Variants in LUC7L2 observed in about 807,000 individuals in gnomAD.
The protein encoded by LUC7L2 is LUC7 like 2, pre-mRNA splicing factor.
Under a neutral mutation model 52.8 loss-of-function variants are expected in LUC7L2, and 25 were observed. That is an observed-to-expected ratio of 0.47 (90% CI 0.34 to 0.66). The LOEUF is 0.66. LUC7L2 is among the 30% of genes least tolerant of loss of function. The pLI is 0.01. For missense variants in LUC7L2, 328 were observed against 497.8 expected, an observed-to-expected ratio of 0.66 and a Z score of 3.25; for synonymous variants, 144 against 160.9, an observed-to-expected ratio of 0.89 and a Z score of 0.80.
chr7:139,341,265 G>A (rs1798939248), intron 1 of LUC7L2: 2 of 1,466,126 alleles, frequency 1.4e-6, no homozygotes, highest in South Asian at 1.4e-5. Context: ...TCCACTGCTC[G>A]TCAGTCGATA....
chr7:139,362,183 G>A (rs1052481551), intron 1 of LUC7L2, among the ~76,000 whole-genome samples: 1 of 151,840 alleles, frequency 6.6e-6, no homozygotes, highest in Non-Finnish European at 1.5e-5. Context: ...TTGTTTAGCT[G>A]AAATGACTGG....
chr7:139,418,392 A>G (rs1461500377), intron 9 of LUC7L2, among the ~76,000 whole-genome samples: 1 of 152,262 alleles, frequency 6.6e-6, no homozygotes, highest in African/African-American at 2.4e-5. Flanking sequence ...CAAACTGTCA[A>G]AACTTCTCAG....
intron 1 of LUC7L2, among the ~76,000 whole-genome samples, chr7:139,364,725 G>C (rs1325784593): frequency 6.6e-6 from 1 of 152,158 alleles, no homozygotes; most frequent in Non-Finnish European, 1.5e-5. Context: ...TGACATTTCT[G>C]CCTTTCTGCA....
At chr7:139,390,597 C>T (rs1211050654) in intron 2 of LUC7L2, among the ~76,000 whole-genome samples, 1 of 150,834 alleles carries the variant, frequency 6.6e-6, no homozygotes, top group African/African-American at 2.5e-5. Flanking sequence ...GCTTTGTCGC[C>T]CAGGCTGGAG....
chr7:139,392,392 G>C (rs1794481001), intron 2 of LUC7L2: 1 of 375,320 alleles, frequency 2.7e-6, no homozygotes, highest in Non-Finnish European at 5.2e-6. Context: ...CAAAAGAAAA[G>C]TTAAAAATTC....
At chr7:139,370,482 G>T (rs1273343438) in intron 1 of LUC7L2, among the ~76,000 whole-genome samples, 2 of 152,184 alleles carry the variant, frequency 1.3e-5, no homozygotes, top group Admixed American at 6.5e-5. Context: ...GTTTGAGACA[G>T]AGTCTTGCTC....
At chr7:139,416,951 T>C (rs1018132887) in intron 8 of LUC7L2, 2 of 152,456 alleles carry the variant, frequency 1.3e-5, no homozygotes, top group African/African-American at 4.8e-5. Flanking sequence ...CCCTGGCATA[T>C]AGTAGTGGTT....
intron 2 of LUC7L2, among the ~76,000 whole-genome samples, chr7:139,383,638 ACTC>A (rs1794054892): frequency 6.7e-6 from 1 of 148,768 alleles, no homozygotes; most frequent in Non-Finnish European, 1.5e-5. Context: ...CTGGTCTTGA[ACTC>A]CTCACCTCAG....
chr7:139,398,569 T>C, intron 2 of LUC7L2, 30 bp from the exon 3 acceptor site: 1 of 1,566,010 alleles, frequency 6.4e-7, no homozygotes, highest in South Asian at 1.2e-5. Context: ...CTTTTTTTTG[T>C]TTTAATATTA....
chr7:139,402,252 G>C lies in LUC7L2; in HGVS notation c.366+5G>C. On this transcript the variant is annotated splice_donor_5th_base_variant and intron_variant, in intron 4 of 9. Transcript: ENST00000354926. ...AGTGCTGAAGTAGCAGCAAAGGTAA[G>C]AATTTTAATCATTTCATTAGTACAA... is the stretch of plus-strand genomic sequence containing the variant. The C allele has an allele frequency of 6.3e-7, 1 of 1,585,704 alleles. No homozygotes were observed. Among genetic ancestry groups the C allele is most frequent in the African/African-American group, 1.4e-5 (1 of 73,064 alleles).
intron 1 of LUC7L2, chr7:139,374,389 T>G: frequency 1.3e-6 from 2 of 1,548,784 alleles, no homozygotes; most frequent in South Asian, 2.4e-5. Flanking sequence ...GCCCCTTGTT[T>G]TATTTGTAAA....
Position 139,422,217 on chromosome 7 carries a change from G to T in LUC7L2, c.1056G>T (p.Arg352Ser). 1 of 1,614,126 alleles carries T rather than the reference G, an allele frequency of 6.2e-7. No individual in the cohort carries two copies. Among genetic ancestry groups the T allele is most frequent in the Non-Finnish European group, 8.5e-7 (1 of 1,180,030 alleles). Residue 352 changes from arginine (R) to serine (S), a missense_variant, in exon 10 of 10, where the codon AGG becomes AGT. Around this residue, in one of 2 missense-constraint regions of LUC7L2, gnomAD observed 195 missense variants for 223.3 expected, o/e 0.87. Coordinates refer to ENST00000354926, the MANE Select transcript of LUC7L2 (RefSeq NM_016019.5). Reference protein sequence around the residue: ...DQDLASCDRDRSSRDRSPRDR... With the variant: ...DQDLASCDRDSSSRDRSPRDR... ...ACTTAGCATCATGTGACAGAGACAG[G>T]AGTTCAAGAGACAGATCACCTCGTG... is the stretch of plus-strand genomic sequence containing the variant.
At chr7:139,383,176 C>T (rs1801127814) in intron 2 of LUC7L2, among the ~76,000 whole-genome samples, 1 of 151,826 alleles carries the variant, frequency 6.6e-6, no homozygotes, top group African/African-American at 2.4e-5. Flanking sequence ...AGTGCAGTGG[C>T]ACGATCTTGG....
At chr7:139,346,299 C>T (rs989000349) in intron 1 of LUC7L2, 3 of 151,434 alleles carry the variant, frequency 2.0e-5, no homozygotes, top group Admixed American at 6.6e-5. Context: ...ATGTTATAAA[C>T]ATAAAATAAA....
At chr7:139,398,291 G>C (rs886524234) in intron 2 of LUC7L2, among the ~76,000 whole-genome samples, 1 of 152,042 alleles carries the variant, frequency 6.6e-6, no homozygotes. Context: ...TTTTTGTGTT[G>C]TGGAGCTAAA....
chr7:139,421,688 A>G (rs1286474092), intron 9 of LUC7L2, among the ~76,000 whole-genome samples: 2 of 152,362 alleles, frequency 1.3e-5, no homozygotes, highest in Admixed American at 1.3e-4. Flanking sequence ...GGTAGCCTGT[A>G]CAACCAGCAA....
upstream of LUC7L2, among the ~76,000 whole-genome samples, chr7:139,356,234 C>T (rs1254685127): frequency 1.4e-5 from 2 of 146,726 alleles, no homozygotes; most frequent in African/African-American, 4.9e-5. Flanking sequence ...CACTTGAGCC[C>T]GGGAAGCCAA....
intron 9 of LUC7L2, 89 bp from the exon 10 acceptor site, chr7:139,422,074 G>A: frequency 2.7e-6 from 4 of 1,479,490 alleles, no homozygotes; most frequent in Non-Finnish European, 3.6e-6. Flanking sequence ...TATATCTTCA[G>A]CTATCAAGAG....
chr7:139,345,795 A>T (rs1460751941), intron 1 of LUC7L2: 1 of 1,363,968 alleles, frequency 7.3e-7, no homozygotes, highest in Non-Finnish European at 9.7e-7. Flanking sequence ...TTTAAGTTTA[A>T]GGTTTTTCTC....
Sources: allele counts gnomAD v4.1 joint callset (sites outside exome capture counted in the v4.1 genomes callset), GRCh38; gene constraint gnomAD v4.1.1; regional missense constraint gnomAD v4.1.1; transcripts MANE v1.5; gene names NCBI Gene and HGNC (gene_info 2026-07-23, HGNC 2026-07-21).